PPM1H: variants seen among roughly 807,000 people sequenced by gnomAD.
PPM1H encodes the protein protein phosphatase 1H.
In PPM1H, 27 loss-of-function variants were observed where a neutral mutation model predicts 54.9. The ratio of observed to expected loss-of-function variants is 0.49; its 90% CI spans 0.36 to 0.68. PPM1H has a LOEUF of 0.68. Among genes scored for constraint, PPM1H ranks in the 30% least tolerant of loss-of-function variants. The pLI is 0.00. For synonymous variants in PPM1H, 305 were observed against 270.8 expected, an observed-to-expected ratio of 1.13 and a Z score of -1.24; for missense variants, 596 against 667.8, an observed-to-expected ratio of 0.89 and a Z score of 1.19.
intron 6 of PPM1H, among the ~76,000 whole-genome samples, chr12:62,695,471 G>A (rs2076109448): frequency 6.6e-6 from 1 of 152,176 alleles, no homozygotes; most frequent in African/African-American, 2.4e-5. Context: ...TGCTGCTGCT[G>A]TTGAGTGAGC....
chr12:62,787,148 T>C (rs1565788296), intron 4 of PPM1H, among the ~76,000 whole-genome samples: 2 of 152,156 alleles, frequency 1.3e-5, no homozygotes, highest in South Asian at 2.1e-4. Flanking sequence ...GGTGAATTTC[T>C]TGATTGCCTC....
At chr12:62,780,904 G>A (rs1192000685) in intron 4 of PPM1H, among the ~76,000 whole-genome samples, 4 of 152,126 alleles carry the variant, frequency 2.6e-5, no homozygotes, top group African/African-American at 9.7e-5. Context: ...TGACTATCTC[G>A]ATCACAATAA....
rs534877879 is a variant in PPM1H, at chr12:62,725,782, C to T, written c.955-5493G>A. On this transcript the variant is annotated intron_variant, in intron 5 of 9. Coordinates refer to ENST00000228705, the MANE Select transcript of PPM1H (RefSeq NM_020700.2). The stretch of plus-strand genomic sequence containing the variant: ...CACATATGTCCAGGAGATGACATGT[C>T]ATGCCTGTCCCCTGGCTGGCAGCAA... 7.2e-5 allele frequency among the ~76,000 whole-genome samples: 11 copies of T among 152,220 alleles called. 1 individual carries two copies. The highest frequency in any genetic ancestry group is 2.6e-4 in the African/African-American group (11 of 41,540).
At chr12:62,773,062 C>T (rs1032220836) in intron 4 of PPM1H, among the ~76,000 whole-genome samples, 55 of 152,276 alleles carry the variant, frequency 3.6e-4, no homozygotes, top group African/African-American at 1.3e-3. Context: ...GCAGGAGAAT[C>T]GCTTGAACCA....
chr12:62,652,921 G>A (rs2075823836), intron 9 of PPM1H, among the ~76,000 whole-genome samples: 1 of 151,800 alleles, frequency 6.6e-6, no homozygotes, highest in South Asian at 2.1e-4. Context: ...TTTAACAATG[G>A]TCTGTGAGTG....
intron 2 of PPM1H, among the ~76,000 whole-genome samples, chr12:62,811,198 GTGA>G (rs932233381): frequency 7.2e-5 from 11 of 152,190 alleles, no homozygotes; most frequent in African/African-American, 2.2e-4. Context: ...TGTTGCAGCA[GTGA>G]TGATATGTAT....
chr12:62,784,405 G>T (rs1592597295), intron 4 of PPM1H, among the ~76,000 whole-genome samples: 1 of 152,172 alleles, frequency 6.6e-6, no homozygotes, highest in Non-Finnish European at 1.5e-5. Context: ...ACACAGCTTA[G>T]TTCCTGACCA....
At chr12:62,735,820 A>G (rs776443149) in intron 5 of PPM1H, among the ~76,000 whole-genome samples, 5 of 152,218 alleles carry the variant, frequency 3.3e-5, no homozygotes, top group Non-Finnish European at 7.3e-5. Context: ...CTCCTAACAG[A>G]AAAGAAAGAA....
At chr12:62,712,008 C>T (rs1356236975) in intron 6 of PPM1H, among the ~76,000 whole-genome samples, 1 of 152,230 alleles carries the variant, frequency 6.6e-6, no homozygotes, top group African/African-American at 2.4e-5. Context: ...GCTTTCTTCC[C>T]TGCTGCTCCT....
chr12:62,797,830 C>T (rs984438764), intron 3 of PPM1H, among the ~76,000 whole-genome samples: 11 of 151,992 alleles, frequency 7.2e-5, no homozygotes, highest in African/African-American at 1.9e-4. Context: ...TCTCTGATGA[C>T]GCAAAGAAAA....
intron 1 of PPM1H, among the ~76,000 whole-genome samples, chr12:62,874,262 A>G (rs746901251): frequency 6.6e-6 from 1 of 152,202 alleles, no homozygotes; most frequent in Non-Finnish European, 1.5e-5. Context: ...TTAGACCATG[A>G]CAGTGTCCCA....
chr12:62,787,600 G>T (rs898233392), intron 4 of PPM1H, among the ~76,000 whole-genome samples: 1 of 152,210 alleles, frequency 6.6e-6, no homozygotes, highest in African/African-American at 2.4e-5. Flanking sequence ...TGGGAGGATT[G>T]TTTGAGCCCA....
At chr12:62,695,054 A>G (rs1310497852) in intron 6 of PPM1H, among the ~76,000 whole-genome samples, 1 of 152,132 alleles carries the variant, frequency 6.6e-6, no homozygotes, top group African/African-American at 2.4e-5. Context: ...TAAAAATCCT[A>G]ATTTATTAAA....
At position 62,648,345 on chromosome 12, in the gene PPM1H, A is replaced by G; in HGVS notation, c.*144T>C. 2 of 1,003,956 alleles carry G rather than the reference A, an allele frequency of 2.0e-6. No individual in the cohort carries two copies. Among genetic ancestry groups the G allele is most frequent in the South Asian group, 1.7e-5 (1 of 60,420 alleles). 62.2% of individuals were successfully genotyped at this position (1,003,956 alleles called of 1,614,324 possible). On this transcript the variant is annotated 3_prime_UTR_variant, in exon 10 of 10. Transcript: ENST00000228705. ...GGAAACCAAAGGGTCATCTTGAAGC[A>G]TAGTCTTTTGGCCATGAACTCCCCG...
intron 1 of PPM1H, among the ~76,000 whole-genome samples, chr12:62,861,782 T>C (rs945913065): frequency 2.6e-5 from 4 of 152,192 alleles, no homozygotes; most frequent in Non-Finnish European, 1.5e-5. Context: ...ACCGTGGTGC[T>C]TGCAGCAAGC....
intron 1 of PPM1H, among the ~76,000 whole-genome samples, chr12:62,923,308 A>T: frequency 6.6e-6 from 1 of 152,236 alleles, no homozygotes; most frequent in East Asian, 1.9e-4. Flanking sequence ...AATCTAACAA[A>T]ATGTGAATTA....
At chr12:62,919,462 A>G (rs1397480066) in intron 1 of PPM1H, among the ~76,000 whole-genome samples, 1 of 152,098 alleles carries the variant, frequency 6.6e-6, no homozygotes, top group African/African-American at 2.4e-5. Flanking sequence ...AATGACTAAC[A>G]TTGTGGGCAA....
intron 4 of PPM1H, among the ~76,000 whole-genome samples, chr12:62,758,631 A>C (rs1012204716): frequency 2.6e-5 from 4 of 152,130 alleles, no homozygotes. Flanking sequence ...CTCACTCTCC[A>C]CACTGGCTAC....
intron 8 of PPM1H, among the ~76,000 whole-genome samples, chr12:62,673,075 C>T (rs945687657): frequency 6.6e-6 from 1 of 152,192 alleles, no homozygotes. Flanking sequence ...ACAGAAGTGG[C>T]AAACTCTTTC....
Sources: allele counts gnomAD v4.1 joint callset (sites outside exome capture counted in the v4.1 genomes callset), GRCh38; gene constraint gnomAD v4.1.1; transcripts MANE v1.5; gene names NCBI Gene and HGNC (gene_info 2026-07-23, HGNC 2026-07-21).